Variants in RTTN observed in about 807,000 individuals in gnomAD.
The protein encoded by RTTN is rotatin.
Under a neutral mutation model 269.2 loss-of-function variants are expected in RTTN, and 182 were observed. The observed-to-expected ratio is 0.68, with a 90% CI of 0.60 to 0.76. RTTN has a LOEUF of 0.76. RTTN is among the 30% of genes least tolerant of loss of function. The probability of loss-of-function intolerance (pLI) is 0.00; values close to 1 mark genes in which losing one functional copy is unlikely to be tolerated. For synonymous variants in RTTN, 1,006 were observed against 963.5 expected (o/e 1.04, Z -0.82); for missense variants, 2,545 against 2,608.6 (o/e 0.98, Z 0.53).
chr18:70,108,770 C>A (rs889119148), intron 28 of RTTN, among the ~76,000 whole-genome samples: 1 of 151,268 alleles, frequency 6.6e-6, no homozygotes, highest in Non-Finnish European at 1.5e-5. Flanking sequence ...TTAAAAGATA[C>A]AGAAAAAAGC....
At chr18:70,067,384 C>T (rs1262630577) in intron 34 of RTTN, among the ~76,000 whole-genome samples, 2 of 152,134 alleles carry the variant, frequency 1.3e-5, no homozygotes, top group African/African-American at 4.8e-5. Flanking sequence ...TGGTCTCGAT[C>T]TCCTGACCTC....
intron 14 of RTTN, among the ~76,000 whole-genome samples, chr18:70,158,151 G>C (rs2060732827): frequency 6.6e-6 from 1 of 152,010 alleles, no homozygotes; most frequent in Non-Finnish European, 1.5e-5. Context: ...ATAGTCATCA[G>C]ATTCTCCAAG....
At chr18:70,118,726 G>C (rs1051132355) in intron 26 of RTTN, among the ~76,000 whole-genome samples, 1 of 152,042 alleles carries the variant, frequency 6.6e-6, no homozygotes, top group African/African-American at 2.4e-5. Context: ...ACAATAAAAA[G>C]ATCACTCACT....
At chr18:70,168,220 C>T (rs1369210826) in intron 12 of RTTN, among the ~76,000 whole-genome samples, 1 of 152,050 alleles carries the variant, frequency 6.6e-6, no homozygotes, top group Non-Finnish European at 1.5e-5. Flanking sequence ...CTTCAGGATC[C>T]ATGTCCTTAT....
Position 70,109,835 on chromosome 18 carries a change from C to CA in RTTN, c.3684-119dup, listed in dbSNP as rs1327490317. On this transcript the variant is annotated intron_variant, in intron 27 of 48. Transcript: ENST00000640769. ...TAGTAATAGAAAAAAATGAACCAGACAAAATGGCAGAAAATAGTCTCTATC... is the reference window on the plus strand; with the variant it reads ...TAGTAATAGAAAAAAATGAACCAGACAAAAATGGCAGAAAATAGTCTCTATC... The CA allele has an allele frequency of 1.9e-5, 14 of 735,940 alleles. No homozygotes were observed. In the African/African-American group the frequency reaches 2.5e-4, roughly 13 times the overall value. 45.6% of individuals were successfully genotyped at this position (735,940 alleles called of 1,614,324 possible). A position where few individuals can be genotyped will look rare whatever the true frequency, so the allele number is the denominator to read the frequency against.
Position 70,054,209 on chromosome 18 carries a change from C to G in RTTN, c.5107G>C (p.Val1703Leu). 6.2e-7 allele frequency: 1 copy of G among 1,613,790 alleles called. No individual in the cohort carries two copies. Among genetic ancestry groups the G allele is most frequent in the East Asian group, 2.2e-5 (1 of 44,844 alleles). The change falls in exon 38 of 49, where the codon GTG becomes CTG. Residue 1703 changes from valine to leucine, a missense_variant. Transcript: ENST00000640769. ...GGTTTCACAAGCTCATCCTGAATCA[C>G]AAGGTCAGGCTCCACCAATAAACAT... ...QSCLLVEPDL[V>L]IQDELVKPLI...
chr18:70,142,344 T>G lies in RTTN; in HGVS notation c.2525A>C (p.Asp842Ala), dbSNP rs745945863. ...EKVYEIFTSD[D>A]VDLVLRKSAA... The stretch of plus-strand genomic sequence containing the variant: ...TGACTTTCTCAAAACGAGATCAACA[T>G]CATCTGAGGTGAAGATTTCATATAC... Residue 842 changes from aspartate (D) to alanine (A), a missense_variant, in exon 19 of 49, where the codon GAT (aspartate) becomes GCT (alanine). Asp to Ala is a moderately radical substitution (Grantham distance 126). Coordinates refer to ENST00000640769, the MANE Select transcript of RTTN (RefSeq NM_173630.4). 2.5e-6 allele frequency: 4 copies of G among 1,603,636 alleles called. No homozygotes were observed. The highest frequency in any genetic ancestry group is 3.4e-6 in the Non-Finnish European group (4 of 1,176,228).
At chr18:70,022,648 A>T (rs2145537335) in intron 44 of RTTN, among the ~76,000 whole-genome samples, 1 of 152,268 alleles carries the variant, frequency 6.6e-6, no homozygotes, top group East Asian at 1.9e-4. Context: ...CTGGCACTGC[A>T]CTAAAATTAC....
At chr18:70,036,128 C>A (rs1309275657) in intron 40 of RTTN, among the ~76,000 whole-genome samples, 3 of 152,160 alleles carry the variant, frequency 2.0e-5, no homozygotes, top group Non-Finnish European at 2.9e-5. Flanking sequence ...ATTGGGAAGG[C>A]AGTGTGGTGA....
chr18:70,027,219 T>C (rs12958477), intron 43 of RTTN, among the ~76,000 whole-genome samples: 1 of 152,200 alleles, frequency 6.6e-6, no homozygotes, highest in African/African-American at 2.4e-5. Context: ...ACCCCTAATG[T>C]TATGCATATG....
chr18:70,118,997 A>C (rs921352937), intron 26 of RTTN, among the ~76,000 whole-genome samples: 1 of 152,182 alleles, frequency 6.6e-6, no homozygotes, highest in East Asian at 1.9e-4. Flanking sequence ...GAAAAGTTTA[A>C]AGCTTTTTCT....
At chr18:70,197,044 C>G (rs1422097328) in intron 6 of RTTN, among the ~76,000 whole-genome samples, 1 of 152,154 alleles carries the variant, frequency 6.6e-6, no homozygotes, top group Non-Finnish European at 1.5e-5. Flanking sequence ...CAGCTTTCCT[C>G]TGCGATCATT....
At chr18:70,013,463 T>G (rs1226695090) in intron 46 of RTTN, among the ~76,000 whole-genome samples, 1 of 142,774 alleles carries the variant, frequency 7.0e-6, no homozygotes, top group Admixed American at 6.7e-5. Flanking sequence ...CCTCTGATAA[T>G]GCAAGTGGAT....
At chr18:70,049,239 C>T (rs2057585361) in intron 39 of RTTN, among the ~76,000 whole-genome samples, 1 of 152,122 alleles carries the variant, frequency 6.6e-6, no homozygotes, top group African/African-American at 2.4e-5. Flanking sequence ...TCCAATAAAA[C>T]TTTATTTACC....
intron 28 of RTTN, 40 bp from the exon 29 acceptor site, chr18:70,092,844 C>A (rs754432467): frequency 6.4e-7 from 1 of 1,565,294 alleles, no homozygotes; most frequent in Non-Finnish European, 8.7e-7. Context: ...TGGCTTTATT[C>A]TCAATGGTAT....
At chr18:70,052,654 A>ATATATATATATC (rs1183180819) in intron 38 of RTTN, among the ~76,000 whole-genome samples, 19 of 148,936 alleles carry the variant, frequency 1.3e-4, no homozygotes, top group South Asian at 2.1e-4. Flanking sequence ...ATATATATAT[A>ATATATATATATC]TCATCACAAT....
At chr18:70,111,290 C>T (rs1245368720) in intron 27 of RTTN, among the ~76,000 whole-genome samples, 1 of 152,150 alleles carries the variant, frequency 6.6e-6, no homozygotes, top group African/African-American at 2.4e-5. Context: ...AGGGGCCAAC[C>T]GACACTTGAT....
intron 10 of RTTN, among the ~76,000 whole-genome samples, chr18:70,177,958 G>C (rs1472080729): frequency 2.0e-5 from 3 of 152,068 alleles, no homozygotes; most frequent in Non-Finnish European, 4.4e-5. Context: ...CTGAAAGCAG[G>C]GTCTCCAAAA....
chr18:70,100,111 G>T (rs1054170564), intron 28 of RTTN, among the ~76,000 whole-genome samples: 1 of 152,138 alleles, frequency 6.6e-6, no homozygotes, highest in Admixed American at 6.5e-5. Flanking sequence ...TTCCAATTCT[G>T]TGAAGAAAGT....
Sources: allele counts gnomAD v4.1 joint callset (sites outside exome capture counted in the v4.1 genomes callset), GRCh38; gene constraint gnomAD v4.1.1; transcripts MANE v1.5; gene names NCBI Gene and HGNC (gene_info 2026-07-23, HGNC 2026-07-21).